Variants in ALDH16A1 observed in about 807,000 individuals in gnomAD.
ALDH16A1 encodes the protein aldehyde dehydrogenase family 16 member A1.
Under a neutral mutation model 96.1 loss-of-function variants are expected in ALDH16A1, and 88 were observed. That is an observed-to-expected ratio of 0.92 (90% CI 0.77 to 1.09). ALDH16A1 has a LOEUF of 1.09. Ranked by LOEUF, ALDH16A1 falls within the 50% of genes least tolerant of loss-of-function variation. The pLI is 0.00. For synonymous variants in ALDH16A1, 522 were observed against 496.4 expected, an observed-to-expected ratio of 1.05 and a Z score of -0.69; for missense variants, 1,250 against 1,112.6, an observed-to-expected ratio of 1.12 and a Z score of -1.76.
chr19:49,461,418 AG>A (rs2079143282), intron 5 of ALDH16A1, among the ~76,000 whole-genome samples, 200 bp from the exon 6 acceptor site: 1 of 114,918 alleles, frequency 8.7e-6, no homozygotes, highest in Non-Finnish European at 1.7e-5. Context: ...CCTGGGTCTG[AG>A]GGAGGAGGGG....
At chr19:49,454,617 C>T (rs2097495896) in intron 1 of ALDH16A1, among the ~76,000 whole-genome samples, 1 of 152,184 alleles carries the variant, frequency 6.6e-6, no homozygotes, top group African/African-American at 2.4e-5. Context: ...TCTCATGATC[C>T]CCCAGGGTCC....
chr19:49,469,849 G>A (rs1289285103), intron 16 of ALDH16A1: 2 of 153,760 alleles, frequency 1.3e-5, no homozygotes, highest in Non-Finnish European at 2.9e-5. Flanking sequence ...CCAAAATGCT[G>A]AGATTACAGG....
In ALDH16A1 at chr19:49,462,705, T is replaced by C. The variant is rs775564929; in HGVS notation, c.1048T>C (p.Cys350Arg). The change falls in exon 8 of 17, where the codon TGT (cysteine) becomes CGT (arginine). Residue 350 changes from cysteine (C) to arginine (R), a missense_variant. Coordinates refer to ENST00000293350, the MANE Select transcript of ALDH16A1 (RefSeq NM_153329.4). ...VDMGARGAAA[C>R]DLVQRFVREA... ...CATGGGGGCCCGGGGGGCTGCCGCA[T>C]GTGACCTGGTCCAGCGCTTTGTGCG... is the stretch of plus-strand genomic sequence containing the variant. 6 of 1,607,074 alleles carry C rather than the reference T, an allele frequency of 3.7e-6. No homozygotes were observed. In the Admixed American group the frequency reaches 8.5e-5, roughly 23 times the overall value.
At chr19:49,462,819 G>C in intron 8 of ALDH16A1, 64 bp downstream of exon 8, 7 of 1,446,138 alleles carry the variant, frequency 4.8e-6, no homozygotes, top group Non-Finnish European at 6.4e-6. Context: ...CCAGCTCCTG[G>C]GTCCAAGGGA....
rs536067781 is a variant in ALDH16A1, at chr19:49,462,617, G to T, written c.960G>T (p.Met320Ile). The part of the protein sequence containing the change: ...LIQESVWDEA[M>I]RRLQERMGRL... The stretch of plus-strand genomic sequence containing the variant: ...AGGAGTCTGTGTGGGATGAAGCCAT[G>T]AGACGGCTGCAGGAGCGGATGGGGC... Residue 320 changes from methionine (M) to isoleucine (I), a missense_variant, in exon 8 of 17, where the codon ATG becomes ATT. Transcript: ENST00000293350. 6.2e-7 allele frequency: 1 copy of T among 1,613,146 alleles called. No individual in the cohort carries two copies. Among genetic ancestry groups the T allele is most frequent in the Admixed American group, 1.7e-5 (1 of 60,014 alleles).
chr19:49,455,456 G>C (rs2079100107), intron 1 of ALDH16A1, among the ~76,000 whole-genome samples: 1 of 149,368 alleles, frequency 6.7e-6, no homozygotes, highest in East Asian at 2.0e-4. Flanking sequence ...GAAAACAAAA[G>C]ATTAGCCGAG....
chr19:49,468,422 G>T lies in ALDH16A1; in HGVS notation c.1980G>T (p.Pro660=). The T allele has an allele frequency of 6.2e-7, 1 of 1,600,698 alleles. No individual in the cohort carries two copies. The highest frequency in any genetic ancestry group is 1.1e-5 in the South Asian group (1 of 91,060). Residue 660 remains proline, a synonymous_variant, in exon 15 of 17, where the codon CCG becomes CCT. Transcript: ENST00000293350. The surrounding 1 kb of genome is among the most constrained non-coding windows in gnomAD (Gnocchi z 4.4). ...GCCCTGTGCTGCGCCTGCGGGAGCC[G>T]CTGGGTGTGCTGGCTGTGGTGTGTC... The part of the protein sequence containing the change: ...LRGPVLRLRE[P]LGVLAVVCPD...
rs1381596223 is a variant in ALDH16A1 at position 49,459,595 on chromosome 19, G to T, written c.321-75G>T. On this transcript the variant is annotated intron_variant, in intron 3 of 16. Transcript: ENST00000293350. The surrounding 1 kb of genome is among the most constrained non-coding windows in gnomAD (Gnocchi z 4.1). ...GGGGCTCATGGGGATTGTAGTCCAG[G>T]TATATAGGAGCAGCCCAGGACTCTG... 6.5e-5 allele frequency: 97 copies of T among 1,493,514 alleles called. 1 individual carries two copies. Among genetic ancestry groups the T allele is most frequent in the South Asian group, 1.4e-5 (1 of 73,034 alleles). The allele number at this position is 1,493,514 out of a possible 1,614,324, so 92.5% of individuals were successfully genotyped here.
chr19:49,461,141 G>C lies in ALDH16A1; in HGVS notation c.577+242G>C, dbSNP rs866937131. On this transcript the variant is annotated intron_variant, in intron 5 of 16. Transcript: ENST00000293350. The stretch of plus-strand genomic sequence containing the variant: ...GACTCCTGAGTCTGAGGGAGGAGGG[G>C]CTGGAGTCTGGACTCCTGGGTCTGA... 7.5e-3 allele frequency among the ~76,000 whole-genome samples: 700 copies of C among 93,726 alleles called. 1 individual carries two copies. Among genetic ancestry groups the C allele is most frequent in the South Asian group, 0.013 (31 of 2,386 alleles). The allele number at this position is 93,726 out of a possible 152,430, so 61.5% of individuals were successfully genotyped here.
chr19:49,466,519 G>A (rs533191097), intron 14 of ALDH16A1, among the ~76,000 whole-genome samples: 38 of 152,174 alleles, frequency 2.5e-4, no homozygotes, highest in Non-Finnish European at 4.0e-4. Flanking sequence ...ACCCATTCCT[G>A]GACCCTAAAA....
chr19:49,459,074 A>C lies in ALDH16A1; in HGVS notation c.308A>C (p.Gln103Pro), dbSNP rs758888068. 7.4e-6 allele frequency: 12 copies of C among 1,612,824 alleles called. No individual in the cohort carries two copies. Among genetic ancestry groups the C allele is most frequent in the Non-Finnish European group, 1.0e-5 (12 of 1,179,834 alleles). The part of the protein sequence containing the change: ...WSAHPGVVRA[Q>P]HLTRLAEVIQ... ...GCGCACCCCGGCGTCGTCCGGGCCCAGCACCTGACCAGGTGATGCAGCTGA... is the reference window on the plus strand; with the variant it reads ...GCGCACCCCGGCGTCGTCCGGGCCCCGCACCTGACCAGGTGATGCAGCTGA... The change falls in exon 3 of 17, where the codon CAG (glutamine) becomes CCG (proline). Residue 103 changes from glutamine to proline, a missense_variant. By Grantham distance (76) the Gln-to-Pro change is moderately conservative. Transcript: ENST00000293350. The surrounding 1 kb of genome is among the most constrained non-coding windows in gnomAD (Gnocchi z 4.1).
chr19:49,462,074 G>A (rs1490479638), intron 7 of ALDH16A1, 38 bp downstream of exon 7: 1 of 1,501,304 alleles, frequency 6.7e-7, no homozygotes, highest in African/African-American at 1.4e-5. Context: ...ATACCCTGGA[G>A]GCCGTTGGTG....
Position 49,466,168 on chromosome 19 carries a change from C to G in ALDH16A1, c.1823C>G (p.Ser608Trp), listed in dbSNP as rs978835076. The change falls in exon 14 of 17, where the codon TCG becomes TGG. Residue 608 changes from serine to tryptophan, a missense_variant. Coordinates refer to ENST00000293350, the MANE Select transcript of ALDH16A1 (RefSeq NM_153329.4). ...ALERRKSTLA[S>W]RLERQGAELK... is the part of the protein sequence containing the mutation. ...GAGCGCCGGAAGTCTACCCTGGCCT[C>G]GAGGCTGGAGAGGCAGGGAGCGGAG... is the stretch of plus-strand genomic sequence containing the variant. The G allele has an allele frequency of 1.5e-5, 23 of 1,560,508 alleles. No homozygotes were observed. The highest frequency in any genetic ancestry group is 1.9e-5 in the Non-Finnish European group (22 of 1,154,244).
At chr19:49,467,250 G>A (rs1035501583) in intron 14 of ALDH16A1, among the ~76,000 whole-genome samples, 4 of 152,056 alleles carry the variant, frequency 2.6e-5, no homozygotes, top group African/African-American at 9.7e-5. Flanking sequence ...TGAACTCCTA[G>A]CTTCAAGTGA....
intron 1 of ALDH16A1, chr19:49,453,632 A>G: frequency 1.9e-6 from 1 of 517,848 alleles, no homozygotes; most frequent in Non-Finnish European, 3.5e-6. Context: ...GGTCTTCCCC[A>G]CTGGTTCTCT....
At chr19:49,460,416 GTT>G (rs58445185) in intron 4 of ALDH16A1, among the ~76,000 whole-genome samples, 3 of 139,732 alleles carry the variant, frequency 2.1e-5, no homozygotes, top group African/African-American at 5.2e-5. Flanking sequence ...TTTTGTTTTT[GTT>G]TTTTTTTTTT....
intron 16 of ALDH16A1, 131 bp from the exon 17 acceptor site, chr19:49,470,175 C>G (rs1246417531): frequency 2.7e-6 from 3 of 1,099,530 alleles, no homozygotes; most frequent in Non-Finnish European, 4.0e-6. Flanking sequence ...TTGGGAGGAG[C>G]TGGGCATTGT....
intron 1 of ALDH16A1, among the ~76,000 whole-genome samples, chr19:49,457,314 G>A (rs1293340323): frequency 4.6e-5 from 7 of 151,866 alleles, no homozygotes; most frequent in African/African-American, 1.5e-4. Flanking sequence ...TTGGGAGGCC[G>A]AGGCGGGCGG....
In ALDH16A1 at chr19:49,468,930, C is replaced by T. The variant is rs1247033816; in HGVS notation, c.2191C>T (p.Arg731Cys). The T allele has an allele frequency of 5.0e-6, 8 of 1,613,960 alleles. No homozygotes were observed. The highest frequency in any genetic ancestry group is 1.6e-4 in the Middle Eastern group (1 of 6,080). Residue 731 changes from arginine to cysteine, a missense_variant, in exon 16 of 17, where the codon CGC becomes TGC. Coordinates refer to ENST00000293350, the MANE Select transcript of ALDH16A1 (RefSeq NM_153329.4). The surrounding 1 kb of genome is among the most constrained non-coding windows in gnomAD (Gnocchi z 4.4). ...GACAGGAGACCGGGACCATCTGACC[C>T]GCTGCCTGGCCTTGCACCAAGACGT... The part of the protein sequence containing the change: ...VVTGDRDHLT[R>C]CLALHQDVQA...
Sources: gnomAD v4.1 joint callset for allele counts (sites outside exome capture counted in the v4.1 genomes callset) on GRCh38, gnomAD v4.1.1 for gene constraint, Gnocchi (gnomAD v3.1) non-coding constraint, MANE v1.5 for transcripts, NCBI Gene and HGNC (gene_info 2026-07-23, HGNC 2026-07-21) for gene names.